ROBO2: variants seen among roughly 807,000 people sequenced by gnomAD.
ROBO2 encodes roundabout guidance receptor 2.
ROBO2 carries 53 observed loss-of-function variants against 160.8 expected under a neutral mutation model. The observed-to-expected ratio is 0.33, with a 90% confidence interval of 0.26 to 0.41. The LOEUF (loss-of-function observed/expected upper bound fraction) is 0.41. Among genes scored for constraint, ROBO2 ranks in the 10% least tolerant of loss-of-function variants. The pLI, the probability that ROBO2 is intolerant of heterozygous loss-of-function variation, is 1.00. For missense variants in ROBO2, 1,577 were observed against 1,722.4 expected (o/e 0.92, Z 1.49); for synonymous variants, 664 against 611.7 (o/e 1.09, Z -1.26).
intron 20 of ROBO2, among the ~76,000 whole-genome samples, chr3:77,602,696 C>T (rs146456308): frequency 0.014 from 2,136 of 150,162 alleles, 64 homozygotes; most frequent in African/African-American, 0.048. Flanking sequence ...CCACCGCCGC[C>T]GCCACCACCA....
chr3:76,256,671 A>G (rs1369912121), intron 2 of ROBO2, among the ~76,000 whole-genome samples: 1 of 152,090 alleles, frequency 6.6e-6, no homozygotes, highest in Non-Finnish European at 1.5e-5. Flanking sequence ...TGATCATGCC[A>G]CTGTACTCCA....
At chr3:77,289,811 A>G (rs1016601917) in intron 2 of ROBO2, among the ~76,000 whole-genome samples, 24 of 152,106 alleles carry the variant, frequency 1.6e-4, no homozygotes, top group African/African-American at 5.8e-4. Flanking sequence ...AAAGACATAA[A>G]GTAAAATTGA....
At chr3:76,839,857 G>T (rs1056648329) in intron 2 of ROBO2, among the ~76,000 whole-genome samples, 4 of 152,168 alleles carry the variant, frequency 2.6e-5, no homozygotes, top group Admixed American at 6.5e-5. Context: ...TGTTATTGGT[G>T]TATTTAGGTT....
chr3:77,272,999 A>G (rs1453607967), intron 2 of ROBO2, among the ~76,000 whole-genome samples: 3 of 152,168 alleles, frequency 2.0e-5, no homozygotes, highest in Non-Finnish European at 4.4e-5. Flanking sequence ...CACACATTAC[A>G]GGTTTGTTAC....
At chr3:77,215,074 C>G (rs550613812) in intron 2 of ROBO2, among the ~76,000 whole-genome samples, 1 of 151,798 alleles carries the variant, frequency 6.6e-6, no homozygotes, top group African/African-American at 2.4e-5. Context: ...TTGCTCTTCT[C>G]AAGGAGTATC....
At chr3:76,524,915 G>T (rs2081867052) in intron 2 of ROBO2, among the ~76,000 whole-genome samples, 1 of 134,620 alleles carries the variant, frequency 7.4e-6, no homozygotes, top group Admixed American at 8.1e-5. Flanking sequence ...CCTCACATTG[G>T]ATTTATAAAG....
chr3:76,994,855 T>A (rs1314437286), intron 2 of ROBO2, among the ~76,000 whole-genome samples: 1 of 152,182 alleles, frequency 6.6e-6, no homozygotes. Context: ...AGCAATATAA[T>A]AAAAACATAT....
intron 2 of ROBO2, among the ~76,000 whole-genome samples, chr3:77,114,117 A>G (rs1398998931): frequency 6.6e-6 from 1 of 152,130 alleles, no homozygotes; most frequent in Non-Finnish European, 1.5e-5. Context: ...TCTACTATTA[A>G]CTACTCCTGT....
chr3:76,035,220 C>T (rs146028058), intron 2 of ROBO2, among the ~76,000 whole-genome samples: 1 of 148,898 alleles, frequency 6.7e-6, no homozygotes, highest in African/African-American at 2.5e-5. Context: ...TCCTCTCTTC[C>T]TAGGACAATG....
intron 2 of ROBO2, among the ~76,000 whole-genome samples, chr3:76,088,119 C>A (rs967246752): frequency 1.4e-4 from 21 of 151,906 alleles, no homozygotes; most frequent in Admixed American, 7.2e-4. Flanking sequence ...AGAAAGTAAT[C>A]AGGGATAAAG....
chr3:77,436,689 T>G (rs2153547942), intron 2 of ROBO2, among the ~76,000 whole-genome samples: 1 of 151,944 alleles, frequency 6.6e-6, no homozygotes, highest in Non-Finnish European at 1.5e-5. Context: ...GATTTCAGAA[T>G]AATAATAATA....
chr3:76,963,658 C>T lies in ROBO2; in HGVS notation c.110-134356C>T, dbSNP rs533451654. ...TTTTATAATAAAAGCGATAAAATTG[C>T]CTGAGTAACTTTCTTCTACCCATAT... On this transcript the variant is annotated intron_variant, in intron 2 of 26. Transcript: ENST00000487694. 1.1e-4 allele frequency among the ~76,000 whole-genome samples: 16 copies of T among 151,600 alleles called. No individual in the cohort carries two copies. In the South Asian group the frequency reaches 3.3e-3, roughly 32 times the overall value.
At chr3:76,360,322 CT>C (rs750793312) in intron 2 of ROBO2, among the ~76,000 whole-genome samples, 107 of 152,144 alleles carry the variant, frequency 7.0e-4, no homozygotes, top group Admixed American at 1.2e-3. Flanking sequence ...TTTGTACCCC[CT>C]GTCATGAAAT....
At chr3:76,308,742 G>A (rs62261422) in intron 2 of ROBO2, among the ~76,000 whole-genome samples, 1 of 152,214 alleles carries the variant, frequency 6.6e-6, no homozygotes, top group Non-Finnish European at 1.5e-5. Context: ...AATTCTGGAA[G>A]AGAGTGACTT....
intron 2 of ROBO2, among the ~76,000 whole-genome samples, chr3:76,614,118 T>C (rs1010137477): frequency 2.0e-5 from 3 of 152,094 alleles, no homozygotes; most frequent in Non-Finnish European, 4.4e-5. Flanking sequence ...CTTACTACAA[T>C]GTAGAGGCAA....
At chr3:76,559,201 G>A (rs928916051) in intron 2 of ROBO2, among the ~76,000 whole-genome samples, 1 of 152,060 alleles carries the variant, frequency 6.6e-6, no homozygotes, top group Non-Finnish European at 1.5e-5. Flanking sequence ...GTGAATTTTT[G>A]TATGTCAATA....
At chr3:77,588,636 C>A in intron 16 of ROBO2, 115 bp from the exon 18 acceptor site, 2 of 992,152 alleles carry the variant, frequency 2.0e-6, no homozygotes, top group Non-Finnish European at 3.1e-6. Flanking sequence ...AGGCTCAAAA[C>A]TAAACAAGCA....
intron 2 of ROBO2, among the ~76,000 whole-genome samples, chr3:76,980,785 C>T (rs1336447691): frequency 6.6e-6 from 1 of 152,050 alleles, no homozygotes; most frequent in Admixed American, 6.6e-5. Context: ...AAATTTACCA[C>T]AATTGTAGAC....
At chr3:77,165,628 A>G (rs1237824529) in intron 2 of ROBO2, among the ~76,000 whole-genome samples, 1 of 152,062 alleles carries the variant, frequency 6.6e-6, no homozygotes, top group Admixed American at 6.6e-5. Context: ...ACATTCCCTA[A>G]CTCCTATATT....
Sources: allele counts gnomAD v4.1 joint callset (sites outside exome capture counted in the v4.1 genomes callset), GRCh38; gene constraint gnomAD v4.1.1; transcripts MANE v1.5; gene names NCBI Gene and HGNC (gene_info 2026-07-23, HGNC 2026-07-21).